Variants in LPO observed in about 807,000 individuals in gnomAD.
The protein encoded by LPO is lactoperoxidase.
Under a neutral mutation model 68.4 loss-of-function variants are expected in LPO, and 70 were observed. That is an observed-to-expected ratio of 1.02 (90% CI 0.84 to 1.25). The LOEUF (loss-of-function observed/expected upper bound fraction) is 1.25, where lower values mean the gene tolerates loss of function less well. Ranked by LOEUF, LPO falls within the 50% of genes most tolerant of loss-of-function variation. LPO has a pLI of 0.00. For missense variants in LPO, 873 were observed against 908.4 expected (o/e 0.96, Z 0.50); for synonymous variants, 360 against 357.6 (o/e 1.01, Z -0.08).
Position 58,241,622 on chromosome 17 carries a change from G to A in LPO, c.-2-1356G>A, listed in dbSNP as rs774900658. ...AACTATAAGGACAAGAGCCCACTGA[G>A]AGGTCAAGCTGTTTGAGAACTCATC... On this transcript the variant is annotated intron_variant, in intron 1 of 12. Coordinates refer to ENST00000262290, the MANE Select transcript of LPO (RefSeq NM_006151.3). Among the ~76,000 whole-genome samples, 55 of 152,174 alleles carry A rather than the reference G, an allele frequency of 3.6e-4. 1 individual carries two copies. Among genetic ancestry groups the A allele is most frequent in the Non-Finnish European group, 1.5e-4 (10 of 68,036 alleles).
chr17:58,266,046 C>A, intron 10 of LPO, 107 bp from the exon 11 acceptor site: 1 of 1,093,084 alleles, frequency 9.1e-7, no homozygotes, highest in Non-Finnish European at 1.3e-6. Context: ...GTCCAGGTGA[C>A]CCACATTCAA....
chr17:58,241,936 T>C (rs1413513044), intron 1 of LPO, among the ~76,000 whole-genome samples: 1 of 151,960 alleles, frequency 6.6e-6, no homozygotes, highest in Non-Finnish European at 1.5e-5. Context: ...GAACTATGAT[T>C]TCTCTCTGGG....
chr17:58,244,075 G>T lies in LPO; in HGVS notation c.158G>T (p.Arg53Leu), dbSNP rs200716527. 4 of 1,593,638 alleles carry T rather than the reference G, an allele frequency of 2.5e-6. No individual in the cohort carries two copies. The highest frequency in any genetic ancestry group is 1.4e-5 in the African/African-American group (1 of 71,698). Residue 53 changes from arginine (R) to leucine (L), a missense_variant, in exon 3 of 13, where the codon CGA becomes CTA. By Grantham distance (102) the Arg-to-Leu change is moderately radical (BLOSUM62 -2). Transcript: ENST00000262290. ...GTCAACAAGGCCTTCCTGGACTCCC[G>T]AACCAGGTACGTGAGACACACACAC... ...VQVNKAFLDS[R>L]TRLKTAMSSE...
intron 3 of LPO, among the ~76,000 whole-genome samples, chr17:58,245,491 G>A (rs1205930886): frequency 2.0e-5 from 3 of 151,978 alleles, no homozygotes; most frequent in African/African-American, 4.8e-5. Context: ...TGGGAGCATC[G>A]GGCCCACTCC....
chr17:58,253,044 A>G (rs1406771771), intron 8 of LPO, among the ~76,000 whole-genome samples: 17 of 150,406 alleles, frequency 1.1e-4, no homozygotes, highest in Non-Finnish European at 1.8e-4. Context: ...AAAAAAAAAA[A>G]AAAAGAAAGA....
rs759838238 is a variant in LPO, at chr17:58,252,346, C to T, written c.945C>T (p.Ser315=). Residue 315 remains serine, a synonymous_variant, in exon 8 of 13, where the codon AGC becomes AGT. Transcript: ENST00000262290. Reference sequence around the variant, plus strand: ...GCTTTGTGTACAGCTCCGAGCCAAGCCTGGCCAGCCGCCTCCGCAACCTCA... The same window carrying T: ...GCTTTGTGTACAGCTCCGAGCCAAGTCTGGCCAGCCGCCTCCGCAACCTCA... The part of the protein sequence containing the change: ...DASFVYSSEP[S]LASRLRNLSS... 4 of 1,614,206 alleles carry T rather than the reference C, an allele frequency of 2.5e-6. No homozygotes were observed. Among genetic ancestry groups the T allele is most frequent in the Middle Eastern group, 1.6e-4 (1 of 6,062 alleles).
intron 5 of LPO, 86 bp downstream of exon 5, chr17:58,249,263 C>A: frequency 1.6e-6 from 2 of 1,238,904 alleles, no homozygotes; most frequent in South Asian, 1.3e-5. Flanking sequence ...GCACTCTAGG[C>A]AGATCTGCCA....
intron 9 of LPO, 35 bp from the exon 10 acceptor site, chr17:58,264,687 T>A: frequency 6.2e-7 from 1 of 1,611,520 alleles, no homozygotes; most frequent in Non-Finnish European, 8.5e-7. Flanking sequence ...TAAACCTTCT[T>A]ACACCCTTTC....
rs537933079 is a variant in LPO, at chr17:58,246,638, G to A, written c.165-840G>A. Among the ~76,000 whole-genome samples the A allele has an allele frequency of 1.2e-3, 183 of 152,300 alleles. 2 individuals carry two copies. The highest frequency in any genetic ancestry group is 0.01 in the Middle Eastern group (3 of 294). On this transcript the variant is annotated intron_variant, in intron 3 of 12. Transcript: ENST00000262290. The stretch of plus-strand genomic sequence containing the variant: ...GATGGGACCTTACAGGCTAAGCCCA[G>A]GGAGGCCCAGCGCGGCCTGCCTGCC...
chr17:58,266,050 C>T lies in LPO; in HGVS notation c.1520-103C>T, dbSNP rs528373773. ...CAGCCTGGGATGTCCAGGTGACCCA[C>T]ATTCAACTAAGAGAAAATGTCTGGT... is the stretch of plus-strand genomic sequence containing the variant. On this transcript the variant is annotated intron_variant, in intron 10 of 12. Coordinates refer to ENST00000262290, the MANE Select transcript of LPO (RefSeq NM_006151.3). The T allele has an allele frequency of 1.3e-4, 147 of 1,152,858 alleles. No homozygotes were observed. In the African/African-American group the frequency reaches 1.9e-3, roughly 15 times the overall value. The allele number at this position is 1,152,858 out of a possible 1,614,324, so 71.4% of individuals were successfully genotyped here. A position where few individuals can be genotyped will look rare whatever the true frequency, so the allele number is the denominator to read the frequency against.
intron 9 of LPO, among the ~76,000 whole-genome samples, chr17:58,261,863 G>A (rs762795191): frequency 6.6e-6 from 1 of 152,166 alleles, no homozygotes; most frequent in East Asian, 1.9e-4. Flanking sequence ...ATAGAGATAT[G>A]GATTTACAAC....
At chr17:58,244,133 T>G in intron 3 of LPO, 52 bp downstream of exon 3, 1 of 973,680 alleles carries the variant, frequency 1.0e-6, no homozygotes, top group Non-Finnish European at 1.5e-6. Flanking sequence ...ACACACACAC[T>G]TCCCTTCACA....
At chr17:58,250,267 A>T in intron 6 of LPO, 148 bp from the exon 7 acceptor site, 1 of 677,614 alleles carries the variant, frequency 1.5e-6, no homozygotes, top group Non-Finnish European at 2.7e-6. Flanking sequence ...CCCTCTACAG[A>T]ATAGGCTAAT....
intron 10 of LPO, among the ~76,000 whole-genome samples, 183 bp downstream of exon 10, chr17:58,265,157 G>C (rs77750920): frequency 6.6e-6 from 1 of 152,122 alleles, no homozygotes; most frequent in African/African-American, 2.4e-5. Context: ...CATCTCACGA[G>C]GCTATCCAAA....
Position 58,264,844 on chromosome 17 carries a change from C to T in LPO, c.1389C>T (p.Ala463=). Reference sequence around the variant, plus strand: ...GAATTTCCAATGTCTTCACCTTCGCCTTCCGCTTTGGCCACTTGGAGGTCC... The same window carrying T: ...GAATTTCCAATGTCTTCACCTTCGCTTTCCGCTTTGGCCACTTGGAGGTCC... ...DPRISNVFTF[A]FRFGHLEVPS... The change falls in exon 10 of 13, where the codon GCC becomes GCT. Residue 463 remains alanine, a synonymous_variant. Transcript: ENST00000262290. 6.2e-7 allele frequency: 1 copy of T among 1,614,254 alleles called. No homozygotes were observed.
chr17:58,266,099 G>C (rs1487709904), intron 10 of LPO, 54 bp from the exon 11 acceptor site: 1 of 1,550,458 alleles, frequency 6.4e-7, no homozygotes, highest in African/African-American at 1.4e-5. Context: ...AGCCATGAAT[G>C]ATGTTCCCAC....
In LPO at chr17:58,238,730, C is replaced by T. The variant is rs1319910620; in HGVS notation, c.-12C>T. On this transcript the variant is annotated 5_prime_UTR_variant, in exon 1 of 13. Coordinates refer to ENST00000262290, the MANE Select transcript of LPO (RefSeq NM_006151.3). ...CCCTGGCTGCCGTGAAAAGACAAGG[C>T]ACTGGGCAGGTAAGACTCGTCAACT... 4 of 152,136 alleles carry T rather than the reference C, an allele frequency of 2.6e-5. No homozygotes were observed. Among genetic ancestry groups the T allele is most frequent in the African/African-American group, 9.7e-5 (4 of 41,432 alleles). 9.4% of individuals were successfully genotyped at this position (152,136 alleles called of 1,614,324 possible). A position where few individuals can be genotyped will look rare whatever the true frequency, so the allele number is the denominator to read the frequency against.
At chr17:58,262,022 G>T (rs781249452) in intron 9 of LPO, among the ~76,000 whole-genome samples, 1 of 152,142 alleles carries the variant, frequency 6.6e-6, no homozygotes, top group East Asian at 1.9e-4. Flanking sequence ...ATCAGATGGT[G>T]CTTCAACCAT....
intron 2 of LPO, 91 bp downstream of exon 2, chr17:58,243,146 A>G: frequency 7.7e-7 from 1 of 1,290,654 alleles, no homozygotes; most frequent in Admixed American, 1.7e-5. Flanking sequence ...ATTCTCTCAC[A>G]GTACGGGAGG....
Sources: gnomAD v4.1 joint callset for allele counts (sites outside exome capture counted in the v4.1 genomes callset) on GRCh38, gnomAD v4.1.1 for gene constraint, MANE v1.5 for transcripts, NCBI Gene and HGNC (gene_info 2026-07-23, HGNC 2026-07-21) for gene names.